The following RBL1 variants were observed in gnomAD, a reference collection of about 807,000 sequenced individuals.
RBL1 encodes RB transcriptional corepressor like 1, also known as retinoblastoma-like protein 1.
Under a neutral mutation model 123.0 loss-of-function variants are expected in RBL1, and 82 were observed. The observed-to-expected ratio is 0.67, with a 90% CI of 0.56 to 0.80. RBL1 has a LOEUF of 0.80. Ranked by LOEUF, RBL1 falls within the 30% of genes least tolerant of loss-of-function variation. RBL1 has a pLI of 0.00. For missense variants in RBL1, 1,171 were observed against 1,299.6 expected, an observed-to-expected ratio of 0.90 and a Z score of 1.52; for synonymous variants, 405 against 441.3, an observed-to-expected ratio of 0.92 and a Z score of 1.03.
At chr20:37,095,693 C>A in intron 1 of RBL1, 80 bp downstream of exon 1, 2 of 1,363,286 alleles carry the variant, frequency 1.5e-6, no homozygotes, top group African/African-American at 1.4e-5. Flanking sequence ...CTCCCACCAC[C>A]CCATAGGCCG....
intron 9 of RBL1, 111 bp downstream of exon 9, chr20:37,060,992 T>G: frequency 8.4e-7 from 1 of 1,194,670 alleles, no homozygotes; most frequent in South Asian, 2.0e-5. Context: ...ATAGTAAAAC[T>G]TGCCAGATGA....
chr20:37,091,095 G>A (rs1357767330), intron 1 of RBL1, among the ~76,000 whole-genome samples: 3 of 152,264 alleles, frequency 2.0e-5, no homozygotes, highest in Admixed American at 6.5e-5. Flanking sequence ...GGTGGCTCAC[G>A]TCTGTAATCC....
intron 11 of RBL1, among the ~76,000 whole-genome samples, chr20:37,047,486 T>C (rs1392569478): frequency 1.3e-5 from 2 of 152,192 alleles, no homozygotes. Context: ...TTATTTTTCT[T>C]AATGACAGTT....
intron 1 of RBL1, among the ~76,000 whole-genome samples, chr20:37,091,108 G>C (rs2065638895): frequency 6.6e-6 from 1 of 152,180 alleles, no homozygotes; most frequent in Admixed American, 6.6e-5. Context: ...TGTAATCCTA[G>C]CACTTTGGGA....
intron 19 of RBL1, among the ~76,000 whole-genome samples, chr20:37,012,537 G>A (rs2064172115): frequency 6.7e-6 from 1 of 149,912 alleles, no homozygotes; most frequent in South Asian, 2.1e-4. Context: ...GATGTGAGGA[G>A]CGCCTCTACC....
intron 12 of RBL1, among the ~76,000 whole-genome samples, chr20:37,045,425 T>A (rs534508323): frequency 1.3e-5 from 2 of 152,012 alleles, no homozygotes; most frequent in South Asian, 4.2e-4. Context: ...GTTTATGATT[T>A]TCTTCAATGA....
chr20:37,039,634 G>C (rs550569980), intron 14 of RBL1, among the ~76,000 whole-genome samples: 1 of 152,302 alleles, frequency 6.6e-6, no homozygotes, highest in East Asian at 1.9e-4. Context: ...GTGGAACTGT[G>C]AGTAAATCAA....
intron 6 of RBL1, among the ~76,000 whole-genome samples, chr20:37,066,016 T>C (rs911292961): frequency 6.6e-6 from 1 of 152,138 alleles, no homozygotes; most frequent in Admixed American, 6.5e-5. Flanking sequence ...AATACAAAAA[T>C]TTGTATAAAA....
At chr20:37,037,993 T>G (rs866975770) in intron 14 of RBL1, among the ~76,000 whole-genome samples, 13 of 145,148 alleles carry the variant, frequency 9.0e-5, no homozygotes, top group Non-Finnish European at 2.0e-4. Context: ...CCATTGTTTT[T>G]TTTTTTTTTT....
At chr20:37,015,763 T>G (rs2064240592) in intron 19 of RBL1, among the ~76,000 whole-genome samples, 1 of 151,556 alleles carries the variant, frequency 6.6e-6, no homozygotes, top group African/African-American at 2.4e-5. Flanking sequence ...TCTAGCTCTG[T>G]CGCCCAGACT....
intron 21 of RBL1, among the ~76,000 whole-genome samples, chr20:37,001,851 A>G (rs1049008463): frequency 1.3e-5 from 2 of 149,928 alleles, no homozygotes; most frequent in Non-Finnish European, 3.0e-5. Context: ...CTGTGAACTA[A>G]GAGTCTAAAT....
chr20:37,012,548 CG>C (rs1170826154), intron 19 of RBL1, among the ~76,000 whole-genome samples: 41 of 151,216 alleles, frequency 2.7e-4, no homozygotes, highest in Non-Finnish European at 5.8e-4. Flanking sequence ...CGCCTCTACC[CG>C]GCCGCGACCC....
rs368788689 is a variant in RBL1 at position 37,061,248 on chromosome 20, T to C, written c.1105A>G (p.Thr369Ala). ...FEKKRSFAPS[T>A]PLTGRRYLRE... Reference sequence around the variant, plus strand: ...AAATATCTCCGTCCGGTCAGTGGGGTAGAAGGTGCAAATGACCTTTTCTGT... The same window carrying C: ...AAATATCTCCGTCCGGTCAGTGGGGCAGAAGGTGCAAATGACCTTTTCTGT... The change falls in exon 9 of 22, where the codon ACC becomes GCC. Residue 369 changes from threonine to alanine, a missense_variant. Coordinates refer to ENST00000373664, the MANE Select transcript of RBL1 (RefSeq NM_002895.5). The C allele has an allele frequency of 6.2e-7, 1 of 1,611,512 alleles. No individual in the cohort carries two copies. Among genetic ancestry groups the C allele is most frequent in the East Asian group, 2.2e-5 (1 of 44,862 alleles).
intron 2 of RBL1, among the ~76,000 whole-genome samples, chr20:37,085,217 C>T (rs908849628): frequency 4.0e-5 from 6 of 151,432 alleles, no homozygotes; most frequent in Non-Finnish European, 7.4e-5. Flanking sequence ...CTGCAACCTT[C>T]GCCTCCCTGG....
chr20:37,083,972 C>G (rs2065500557), intron 2 of RBL1, among the ~76,000 whole-genome samples: 1 of 143,842 alleles, frequency 7.0e-6, no homozygotes, highest in Admixed American at 7.1e-5. Context: ...AGAGTTGCAT[C>G]ATCATAACTC....
intron 16 of RBL1, 51 bp from the exon 17 acceptor site, chr20:37,022,877 C>T: frequency 1.4e-6 from 2 of 1,419,364 alleles, no homozygotes; most frequent in Non-Finnish European, 1.9e-6. Context: ...AATCATTTCT[C>T]AAATTTTTAT....
chr20:37,020,693 T>G lies in RBL1; in HGVS notation c.2597A>C (p.Lys866Thr). The G allele has an allele frequency of 6.3e-7, 1 of 1,588,866 alleles. No individual in the cohort carries two copies. Among genetic ancestry groups the G allele is most frequent in the Non-Finnish European group, 8.6e-7 (1 of 1,165,390 alleles). ...AGCTTGGGGCTGATTCCTATAACTT[T>G]TCATAATTTCTTGAAAAGTTCTTTC... is the stretch of plus-strand genomic sequence containing the variant. ...KEERTFQEIM[K>T]SYRNQPQANS... is the part of the protein sequence containing the mutation. The change falls in exon 18 of 22, where the codon AAA becomes ACA. Residue 866 changes from lysine to threonine, a missense_variant. Lys to Thr is a moderately conservative substitution (Grantham distance 78). Coordinates refer to ENST00000373664, the MANE Select transcript of RBL1 (RefSeq NM_002895.5).
At chr20:37,033,607 A>G (rs1158106361) in intron 15 of RBL1, among the ~76,000 whole-genome samples, 1 of 146,938 alleles carries the variant, frequency 6.8e-6, no homozygotes, top group Non-Finnish European at 1.5e-5. Context: ...GAGCCACTGC[A>G]GCTGGACTTT....
intron 6 of RBL1, 110 bp from the exon 7 acceptor site, chr20:37,065,583 GAATT>G (rs1426693080): frequency 1.6e-6 from 1 of 625,252 alleles, no homozygotes; most frequent in Non-Finnish European, 2.6e-6. Flanking sequence ...ACACAAAACA[GAATT>G]ATTAAATATT....
Sources: allele counts gnomAD v4.1 joint callset (sites outside exome capture counted in the v4.1 genomes callset), GRCh38; gene constraint gnomAD v4.1.1; transcripts MANE v1.5; gene names NCBI Gene and HGNC (gene_info 2026-07-23, HGNC 2026-07-21).